The following GUCY1A1 variants were observed in gnomAD, a reference collection of about 807,000 sequenced individuals.
GUCY1A1 encodes the protein guanylate cyclase soluble subunit alpha-1.
In GUCY1A1, 48 loss-of-function variants were observed where a neutral mutation model predicts 64.5. The observed-to-expected ratio is 0.74, with a 90% CI of 0.59 to 0.95. The LOEUF (loss-of-function observed/expected upper bound fraction) is 0.95, where lower values mean the gene tolerates loss of function less well. GUCY1A1 is among the 40% of genes least tolerant of loss of function. The pLI, the probability that GUCY1A1 is intolerant of heterozygous loss-of-function variation, is 0.00. For missense variants in GUCY1A1, 804 were observed against 825.3 expected (o/e 0.97, Z 0.32); for synonymous variants, 308 against 303.4 (o/e 1.02, Z -0.16).
chr4:155,711,521 G>A (rs1024920177), intron 6 of GUCY1A1: 1 of 248,490 alleles, frequency 4.0e-6, no homozygotes, highest in Middle Eastern at 1.3e-3. Flanking sequence ...TTTGATAAAT[G>A]TTTATATAAA....
chr4:155,686,730 G>C (rs28753763), intron 2 of GUCY1A1, among the ~76,000 whole-genome samples: 6,140 of 152,174 alleles, frequency 0.04, 422 homozygotes, highest in African/African-American at 0.14. Flanking sequence ...ATGGCATAAG[G>C]CTTGCTTGAT....
intron 2 of GUCY1A1, among the ~76,000 whole-genome samples, chr4:155,672,697 T>C (rs988663624): frequency 4.6e-5 from 7 of 152,220 alleles, no homozygotes; most frequent in African/African-American, 1.4e-4. Context: ...GAATAGTACC[T>C]GCAATTAATG....
rs115736158 is a variant in GUCY1A1, at chr4:155,718,777, G to T, written c.1716+1475G>T. Among the ~76,000 whole-genome samples, 5 of 152,134 alleles carry T rather than the reference G, an allele frequency of 3.3e-5. No homozygotes were observed. In the South Asian group the frequency reaches 1.0e-3, roughly 31 times the overall value. Reference sequence around the variant, plus strand: ...ATGACTTAGTCTTGGAAGACACACCGCAACACTTCCACTGCACTCTATCAG... The same window carrying T: ...ATGACTTAGTCTTGGAAGACACACCTCAACACTTCCACTGCACTCTATCAG... On this transcript the variant is annotated intron_variant, in intron 8 of 9. Coordinates refer to ENST00000506455, the MANE Select transcript of GUCY1A1 (RefSeq NM_001130682.3).
chr4:155,668,406 G>A (rs1369475570), intron 2 of GUCY1A1, among the ~76,000 whole-genome samples: 2 of 152,140 alleles, frequency 1.3e-5, no homozygotes, highest in Non-Finnish European at 2.9e-5. Context: ...GTTTTAAATA[G>A]GACAGATTTT....
intron 2 of GUCY1A1, among the ~76,000 whole-genome samples, chr4:155,685,274 T>C (rs917011531): frequency 2.6e-5 from 4 of 151,878 alleles, no homozygotes; most frequent in Non-Finnish European, 1.5e-5. Context: ...AAAGCAGGAG[T>C]CAGTCAACAG....
At chr4:155,726,369 T>C (rs1186918765) in intron 9 of GUCY1A1, among the ~76,000 whole-genome samples, 1 of 151,994 alleles carries the variant, frequency 6.6e-6, no homozygotes, top group Admixed American at 6.6e-5. Context: ...TAAATAAATT[T>C]CAATTAAACA....
At chr4:155,670,355 G>T (rs1733975584) in intron 2 of GUCY1A1, among the ~76,000 whole-genome samples, 1 of 152,156 alleles carries the variant, frequency 6.6e-6, no homozygotes, top group Non-Finnish European at 1.5e-5. Context: ...ATCTTGACTT[G>T]ATATAAGAAG....
At chr4:155,729,160 C>T (rs945646418) in intron 9 of GUCY1A1, among the ~76,000 whole-genome samples, 2 of 151,710 alleles carry the variant, frequency 1.3e-5, no homozygotes, top group Non-Finnish European at 2.9e-5. Flanking sequence ...GAGTAGAAGA[C>T]CATGGTCTGT....
Position 155,733,667 on chromosome 4 carries a change from G to C in GUCY1A1, c.*3436G>C, listed in dbSNP as rs1056091. Among the ~76,000 whole-genome samples, 1 of 131,808 alleles carries C rather than the reference G, an allele frequency of 7.6e-6. No individual in the cohort carries two copies. The highest frequency in any genetic ancestry group is 2.2e-4 in the East Asian group (1 of 4,604). The allele number at this position is 131,808 out of a possible 152,430, so 86.5% of individuals were successfully genotyped here. On this transcript the variant is annotated 3_prime_UTR_variant, in exon 10 of 10. Coordinates refer to ENST00000506455, the MANE Select transcript of GUCY1A1 (RefSeq NM_001130682.3). Reference sequence around the variant, plus strand: ...CTTGTTCAAAATAGATTTTACAAAAGAAAAAAAAAAAAGAAGCAACATGAG... The same window carrying C: ...CTTGTTCAAAATAGATTTTACAAAACAAAAAAAAAAAAGAAGCAACATGAG...
Position 155,717,191 on chromosome 4 carries a change from TG to T in GUCY1A1, c.1610del (p.Gly537AspfsTer13). 1.3e-6 allele frequency: 2 copies of T among 1,549,708 alleles called. No homozygotes were observed. The highest frequency in any genetic ancestry group is 2.3e-5 in the East Asian group (1 of 42,886). On this transcript the variant is annotated frameshift_variant, in exon 8 of 10. Transcript: ENST00000506455. LOFTEE classifies it high-confidence loss of function. ...ETIGDAYCVA[G>X]GLHKESDTHA... ...CCATTGGCGATGCCTATTGTGTAGC[TG>T]GGGGATTACACAAAGAGAGTGATAC...
chr4:155,689,736 A>C (rs1200276932), intron 2 of GUCY1A1, among the ~76,000 whole-genome samples: 1 of 152,178 alleles, frequency 6.6e-6, no homozygotes, highest in African/African-American at 2.4e-5. Flanking sequence ...AGCTTATTAA[A>C]CACAATTTGT....
Position 155,697,035 on chromosome 4 carries a change from A to G in GUCY1A1, c.168A>G (p.Gln56=). The G allele has an allele frequency of 6.2e-7, 1 of 1,612,782 alleles. No homozygotes were observed. The highest frequency in any genetic ancestry group is 8.5e-7 in the Non-Finnish European group (1 of 1,178,808). ...ICQDIPEKNI[Q]ESLPQRKTSR... The stretch of plus-strand genomic sequence containing the variant: ...AAGACATTCCTGAGAAGAACATACA[A>G]GAAAGTCTTCCTCAAAGAAAAACCA... The change falls in exon 3 of 10, where the codon CAA becomes CAG. Residue 56 remains glutamine (Q), a synonymous_variant. Transcript: ENST00000506455.
intron 6 of GUCY1A1, 53 bp from the exon 7 acceptor site, chr4:155,713,045 G>A: frequency 6.7e-7 from 1 of 1,501,534 alleles, no homozygotes; most frequent in Non-Finnish European, 9.0e-7. Flanking sequence ...TTTTGTCTCA[G>A]AAAGATGTGG....
chr4:155,699,567 A>G (rs1730825530), intron 3 of GUCY1A1, among the ~76,000 whole-genome samples: 1 of 151,592 alleles, frequency 6.6e-6, no homozygotes, highest in Non-Finnish European at 1.5e-5. Context: ...AGTAACTAAA[A>G]CTCCTCTCCA....
At chr4:155,675,072 T>A (rs1433151470) in intron 2 of GUCY1A1, among the ~76,000 whole-genome samples, 2 of 151,586 alleles carry the variant, frequency 1.3e-5, no homozygotes, top group African/African-American at 2.4e-5. Context: ...AACATGATTG[T>A]GTATGTGGTC....
intron 9 of GUCY1A1, among the ~76,000 whole-genome samples, chr4:155,729,374 A>G (rs1444213843): frequency 1.3e-5 from 2 of 151,840 alleles, no homozygotes; most frequent in East Asian, 3.9e-4. Context: ...TAGCATAATG[A>G]ACAAGTAGTA....
At chr4:155,694,133 A>G (rs1730121123) in intron 2 of GUCY1A1, among the ~76,000 whole-genome samples, 1 of 152,154 alleles carries the variant, frequency 6.6e-6, no homozygotes, top group Non-Finnish European at 1.5e-5. Flanking sequence ...AGTGGCATTC[A>G]GTTAATAAAG....
chr4:155,692,041 C>T lies in GUCY1A1; in HGVS notation c.-112-4715C>T, dbSNP rs151283823. Among the ~76,000 whole-genome samples, 84 of 152,194 alleles carry T rather than the reference C, an allele frequency of 5.5e-4. No individual in the cohort carries two copies. In the East Asian group the frequency reaches 0.014, roughly 26 times the overall value. On this transcript the variant is annotated intron_variant, in intron 2 of 9. Transcript: ENST00000506455. ...GCTCTCACTTATAAGTGAGAACATG[C>T]GGTGTTTGGTTTTCTGTTCCTGGGT...
At chr4:155,712,964 T>C in intron 6 of GUCY1A1, 134 bp from the exon 7 acceptor site, 2 of 700,704 alleles carry the variant, frequency 2.9e-6, no homozygotes, top group Non-Finnish European at 4.8e-6. Flanking sequence ...ATAGGAACTA[T>C]AAGAAAGCAA....
Sources: gnomAD v4.1 joint callset for allele counts (sites outside exome capture counted in the v4.1 genomes callset) on GRCh38, gnomAD v4.1.1 for gene constraint, MANE v1.5 for transcripts, NCBI Gene and HGNC (gene_info 2026-07-23, HGNC 2026-07-21) for gene names.